Variants in PCLO observed in about 807,000 individuals in gnomAD.
PCLO encodes the protein protein piccolo.
In PCLO, 82 loss-of-function variants were observed where a neutral mutation model predicts 427.5. The observed-to-expected ratio is 0.19, with a 90% CI of 0.16 to 0.23. PCLO has a LOEUF of 0.23. Among genes scored for constraint, PCLO ranks in the 10% least tolerant of loss-of-function variants. The pLI, the probability that PCLO is intolerant of heterozygous loss-of-function variation, is 1.00. For synonymous variants in PCLO, 2,357 were observed against 2,155.4 expected, an observed-to-expected ratio of 1.09 and a Z score of -2.59; for missense variants, 6,239 against 6,115.9, an observed-to-expected ratio of 1.02 and a Z score of -0.67.
At chr7:82,846,958 G>A (rs950739168) in intron 11 of PCLO, among the ~76,000 whole-genome samples, 181 bp downstream of exon 11, 1 of 152,116 alleles carries the variant, frequency 6.6e-6, no homozygotes, top group African/African-American at 2.4e-5. Flanking sequence ...AAGGGAAGAG[G>A]CTGTTGACAC....
intron 3 of PCLO, among the ~76,000 whole-genome samples, chr7:83,061,038 T>C (rs1278694555): frequency 6.6e-6 from 1 of 152,184 alleles, no homozygotes; most frequent in East Asian, 1.9e-4. Context: ...ATGGGTTGTG[T>C]ATTAGTTTCT....
chr7:82,899,488 T>C (rs577107573), intron 9 of PCLO, among the ~76,000 whole-genome samples: 24 of 151,562 alleles, frequency 1.6e-4, no homozygotes, highest in African/African-American at 5.5e-4. Flanking sequence ...CTTAATTTAG[T>C]ATAGGATTAT....
chr7:82,950,753 A>G lies in PCLO; in HGVS notation c.9835T>C (p.Phe3279Leu). ...FQQEEERQAQ[F>L]MMRQETLAQQ... is the part of the protein sequence containing the mutation. ...GCTAACGTCTCCTGCCTCATCATGAACTGGGCTTGCCGCTCTTCTTCTTGC... is the reference window on the plus strand; with the variant it reads ...GCTAACGTCTCCTGCCTCATCATGAGCTGGGCTTGCCGCTCTTCTTCTTGC... The change falls in exon 6 of 25, where the codon TTC becomes CTC. Residue 3279 changes from phenylalanine to leucine, a missense_variant. Transcript: ENST00000333891. The G allele has an allele frequency of 6.2e-7, 1 of 1,613,746 alleles. No homozygotes were observed. Among genetic ancestry groups the G allele is most frequent in the East Asian group, 2.2e-5 (1 of 44,830 alleles).
rs117432519 is a variant in PCLO at position 83,079,567 on chromosome 7, G to A, written c.3300+54683C>T. Among the ~76,000 whole-genome samples the A allele has an allele frequency of 7.1e-3, 1,078 of 152,112 alleles. 6 individuals are homozygous for A. The highest frequency in any genetic ancestry group is 0.014 in the Middle Eastern group (4 of 294). ...ATAAAATAGCTAACTGGTTTCTGGAGGCCTCATCCTGGGAAATTAACTCTA... is the reference window on the plus strand; with the variant it reads ...ATAAAATAGCTAACTGGTTTCTGGAAGCCTCATCCTGGGAAATTAACTCTA... On this transcript the variant is annotated intron_variant, in intron 3 of 24. Coordinates refer to ENST00000333891, the MANE Select transcript of PCLO (RefSeq NM_033026.6).
At position 82,952,170 on chromosome 7, in the gene PCLO, T is replaced by TC; in HGVS notation, c.8782_8783insG (p.Lys2928ArgfsTer4). The TC allele has an allele frequency of 3.4e-6, 5 of 1,465,404 alleles. No homozygotes were observed. The highest frequency in any genetic ancestry group is 4.5e-6 in the Non-Finnish European group (5 of 1,114,456). The allele number at this position is 1,465,404 out of a possible 1,614,324, so 90.8% of individuals were successfully genotyped here. On this transcript the variant is annotated frameshift_variant, in exon 5 of 25. Transcript: ENST00000333891. LOFTEE classifies it high-confidence loss of function. ...TCTCCCTGCGGTTAAATCAACGGGT[T>TC]TTTCATCTTCTATTATTTTGGTCAT...
intron 3 of PCLO, among the ~76,000 whole-genome samples, chr7:83,076,807 C>T (rs915117101): frequency 4.0e-5 from 6 of 151,752 alleles, no homozygotes; most frequent in African/African-American, 1.2e-4. Context: ...TTCTGAGGAA[C>T]ATGTGACCTT....
intron 10 of PCLO, among the ~76,000 whole-genome samples, chr7:82,873,551 G>T (rs2116005073): frequency 6.6e-6 from 1 of 152,226 alleles, no homozygotes; most frequent in South Asian, 2.1e-4. Context: ...TTGTTTCAAT[G>T]AAAATTTACA....
chr7:83,068,686 T>C (rs998470889), intron 3 of PCLO, among the ~76,000 whole-genome samples: 2 of 152,296 alleles, frequency 1.3e-5, no homozygotes, highest in East Asian at 3.9e-4. Context: ...GAATGTAAAT[T>C]AGTACAGCTA....
chr7:82,786,323 C>T (rs1790982233), intron 22 of PCLO, among the ~76,000 whole-genome samples: 1 of 134,530 alleles, frequency 7.4e-6, no homozygotes, highest in South Asian at 2.2e-4. Flanking sequence ...TTTCTTCTAT[C>T]CTCTAGCAAA....
chr7:82,849,493 A>G (rs138432728), intron 10 of PCLO, among the ~76,000 whole-genome samples: 1 of 152,138 alleles, frequency 6.6e-6, no homozygotes, highest in Non-Finnish European at 1.5e-5. Context: ...CATAGGGAAG[A>G]TGACCACTGA....
chr7:82,933,032 A>G (rs1312751465), intron 6 of PCLO, among the ~76,000 whole-genome samples: 1 of 151,938 alleles, frequency 6.6e-6, no homozygotes, highest in Non-Finnish European at 1.5e-5. Flanking sequence ...TAGTTGGTAC[A>G]TTCTCCATTA....
intron 9 of PCLO, among the ~76,000 whole-genome samples, chr7:82,885,291 T>A (rs537128502): frequency 6.6e-6 from 1 of 152,260 alleles, no homozygotes; most frequent in African/African-American, 2.4e-5. Flanking sequence ...TGTCCCTGGC[T>A]GATAGCAAGA....
At chr7:82,823,119 G>T (rs1284859249) in intron 19 of PCLO, among the ~76,000 whole-genome samples, 2 of 152,118 alleles carry the variant, frequency 1.3e-5, no homozygotes, top group Non-Finnish European at 2.9e-5. Context: ...TGTAGAGAAT[G>T]TATGGATCAC....
intron 8 of PCLO, among the ~76,000 whole-genome samples, chr7:82,903,961 T>A (rs1372737907): frequency 6.6e-6 from 1 of 151,878 alleles, no homozygotes; most frequent in Non-Finnish European, 1.5e-5. Context: ...GAAGCTAAAA[T>A]TACAGCCTTT....
chr7:82,955,729 C>T lies in PCLO; in HGVS notation c.5224G>A (p.Asp1742Asn). 2 of 1,613,956 alleles carry T rather than the reference C, an allele frequency of 1.2e-6. No homozygotes were observed. The highest frequency in any genetic ancestry group is 1.7e-6 in the Non-Finnish European group (2 of 1,179,882). Residue 1742 changes from aspartate to asparagine, a missense_variant, in exon 5 of 25, where the codon GAC becomes AAC. Asp to Asn is a conservative substitution (Grantham distance 23). Coordinates refer to ENST00000333891, the MANE Select transcript of PCLO (RefSeq NM_033026.6). Reference protein sequence around the residue: ...TSVSSLDEDSDSSPSHKKGES... With the variant: ...TSVSSLDEDSNSSPSHKKGES... ...CCTTTTTTGTGACTCGGGCTACTGT[C>T]ACTGTCCTCATCAAGTGATGATACT...
chr7:83,074,571 A>T (rs1789904300), intron 3 of PCLO, among the ~76,000 whole-genome samples: 1 of 152,134 alleles, frequency 6.6e-6, no homozygotes, highest in Middle Eastern at 3.2e-3. Flanking sequence ...CTTTTAAAGG[A>T]ACTTTTCTCA....
intron 8 of PCLO, among the ~76,000 whole-genome samples, chr7:82,907,780 AAAAC>A (rs1229908296): frequency 6.6e-6 from 1 of 152,006 alleles, no homozygotes; most frequent in African/African-American, 2.4e-5. Flanking sequence ...AGCATATAGA[AAAAC>A]AGAACAAAAT....
chr7:83,059,933 AT>A (rs748564887), intron 3 of PCLO, among the ~76,000 whole-genome samples: 1 of 152,188 alleles, frequency 6.6e-6, no homozygotes, highest in Admixed American at 6.5e-5. Context: ...TGACTGTAGC[AT>A]TTTTTGAGTG....
intron 21 of PCLO, among the ~76,000 whole-genome samples, chr7:82,805,165 G>A (rs1402838589): frequency 6.6e-6 from 1 of 151,520 alleles, no homozygotes; most frequent in East Asian, 2.0e-4. Flanking sequence ...TGCACTACTC[G>A]GTCTTTGTTC....
Sources: gnomAD v4.1 joint callset for allele counts (sites outside exome capture counted in the v4.1 genomes callset) on GRCh38, gnomAD v4.1.1 for gene constraint, MANE v1.5 for transcripts, NCBI Gene and HGNC (gene_info 2026-07-23, HGNC 2026-07-21) for gene names.